The following EDN3 variants were observed in gnomAD, a reference collection of about 807,000 sequenced individuals.
EDN3 encodes endothelin 3, also known as endothelin-3.
EDN3 carries 9 observed loss-of-function variants against 21.4 expected under a neutral mutation model. The observed-to-expected ratio is 0.42, with a 90% confidence interval of 0.25 to 0.73. The LOEUF (loss-of-function observed/expected upper bound fraction) is 0.73, where lower values mean the gene tolerates loss of function less well. Ranked by LOEUF, EDN3 falls within the 30% of genes least tolerant of loss-of-function variation. The probability of loss-of-function intolerance (pLI) is 0.26; values close to 1 mark genes in which losing one functional copy is unlikely to be tolerated. For synonymous variants in EDN3, 133 were observed against 126.2 expected, an observed-to-expected ratio of 1.05 and a Z score of -0.36; for missense variants, 327 against 309.4, an observed-to-expected ratio of 1.06 and a Z score of -0.43.
At position 59,321,170 on chromosome 20, in the gene EDN3, CACCCAAACTCTGGACGTCAGCAGGTATG is replaced by C; in HGVS notation, c.522_542+7del. The stretch of plus-strand genomic sequence containing the variant: ...ATGACAAGGCCTGCCTGCACTTTTG[CACCCAAACTCTGGACGTCAGCAGGTATG>C]ACACCTCCTCCAGTTTCACTCATTT... On this transcript the variant is annotated splice_donor_variant and splice_donor_5th_base_variant and coding_sequence_variant and intron_variant, in exon 3 of 5. Transcript: ENST00000337938. LOFTEE classifies it high-confidence loss of function. The C allele has an allele frequency of 6.2e-7, 1 of 1,614,248 alleles. No individual in the cohort carries two copies. The highest frequency in any genetic ancestry group is 8.5e-7 in the Non-Finnish European group (1 of 1,180,044).
chr20:59,306,242 AG>A (rs1989401215), intron 2 of EDN3, among the ~76,000 whole-genome samples: 1 of 152,230 alleles, frequency 6.6e-6, no homozygotes, highest in Admixed American at 6.5e-5. Flanking sequence ...TGAAAAGAAC[AG>A]GGCAGGATGT....
chr20:59,324,509 A>G lies in EDN3; in HGVS notation c.*50A>G. The G allele has an allele frequency of 1.2e-6, 2 of 1,612,960 alleles. No individual in the cohort carries two copies. The highest frequency in any genetic ancestry group is 2.2e-5 in the South Asian group (2 of 91,060). On this transcript the variant is annotated 3_prime_UTR_variant, in exon 5 of 5. Coordinates refer to ENST00000337938, the MANE Select transcript of EDN3 (RefSeq NM_207034.3). ...TCTCGGGAGGCTTCTGTCATTGCTC[A>G]CACACAGTTCAGATTTCCACCTCTT... is the stretch of plus-strand genomic sequence containing the variant.
chr20:59,314,060 A>C (rs1295534374), intron 2 of EDN3, among the ~76,000 whole-genome samples: 1 of 152,144 alleles, frequency 6.6e-6, no homozygotes, highest in East Asian at 1.9e-4. Flanking sequence ...AAGGGATGGC[A>C]TGCCTGCCTC....
rs150731720 is a variant in EDN3, at chr20:59,301,611, C to T, written c.254C>T (p.Ala85Val). ...GGAAGCCCTGGGCAGGAGCAGGCGG[C>T]CGAGGGGGCCCCTGAGCACCACCGA... ...SPGSPGQEQA[A>V]EGAPEHHRSR... The change falls in exon 2 of 5, where the codon GCC (alanine) becomes GTC (valine). Residue 85 changes from alanine to valine, a missense_variant. Coordinates refer to ENST00000337938, the MANE Select transcript of EDN3 (RefSeq NM_207034.3). 6.2e-7 allele frequency: 1 copy of T among 1,614,054 alleles called. No homozygotes were observed. The highest frequency in any genetic ancestry group is 1.1e-5 in the South Asian group (1 of 91,072).
At position 59,322,460 on chromosome 20, in the gene EDN3, T is replaced by C; in HGVS notation, c.588+43T>C. 6.2e-7 allele frequency: 1 copy of C among 1,611,072 alleles called. No individual in the cohort carries two copies. The highest frequency in any genetic ancestry group is 8.5e-7 in the Non-Finnish European group (1 of 1,177,192). On this transcript the variant is annotated intron_variant, in intron 4 of 4. Coordinates refer to ENST00000337938, the MANE Select transcript of EDN3 (RefSeq NM_207034.3). This position sits in a 1 kb window ranked among gnomAD's most constrained non-coding sequence, Gnocchi z 4.1. ...AGGCCTGTGTCAAAGGAGGTGAAGA[T>C]GTGACGTGTCATTCCTTCGGGGGTG...
chr20:59,313,885 TG>T (rs1417591644), intron 2 of EDN3, among the ~76,000 whole-genome samples: 7 of 152,226 alleles, frequency 4.6e-5, no homozygotes, highest in African/African-American at 1.7e-4. Flanking sequence ...TTTTCTTTCC[TG>T]GAAGTTGGAA....
rs1199967781 is a variant in EDN3 at position 59,316,785 on chromosome 20, C to T, written c.366-4232C>T. Among the ~76,000 whole-genome samples the T allele has an allele frequency of 2.6e-5, 4 of 152,248 alleles. No individual in the cohort carries two copies. In the East Asian group the frequency reaches 7.7e-4, roughly 29 times the overall value. On this transcript the variant is annotated intron_variant, in intron 2 of 4. Transcript: ENST00000337938. ...AAAAAAGACTCTGTTGTCACCACAC[C>T]AATCAAATAATGAATGTTCTGAATA...
In EDN3 at chr20:59,301,464, C is replaced by T. The variant is rs757704427; in HGVS notation, c.107C>T (p.Ala36Val). Residue 36 changes from alanine to valine, a missense_variant, in exon 2 of 5, where the codon GCC (alanine) becomes GTC (valine). Transcript: ENST00000337938. ...GCTGGCAGGCGCGGCGTGTCCCAGG[C>T]CCCCACTGCAGCCAGATCTGAGGGG... The part of the protein sequence containing the change: ...GDAGRRGVSQ[A>V]PTAARSEGDC... The T allele has an allele frequency of 3.7e-6, 6 of 1,613,326 alleles. No individual in the cohort carries two copies. Among genetic ancestry groups the T allele is most frequent in the African/African-American group, 1.3e-5 (1 of 74,962 alleles).
chr20:59,309,607 T>C (rs562780292), intron 2 of EDN3, among the ~76,000 whole-genome samples: 104 of 151,950 alleles, frequency 6.8e-4, no homozygotes, highest in Non-Finnish European at 1.1e-3. Flanking sequence ...TTTCAGGAGG[T>C]TTTTCCCCTC....
intron 2 of EDN3, among the ~76,000 whole-genome samples, 192 bp from the exon 3 acceptor site, chr20:59,320,825 G>C (rs1007182946): frequency 6.6e-6 from 1 of 152,194 alleles, no homozygotes; most frequent in African/African-American, 2.4e-5. Flanking sequence ...CTCTTCCTGG[G>C]GGTTGTGGAG....
intron 2 of EDN3, among the ~76,000 whole-genome samples, chr20:59,309,151 C>T (rs1000083831): frequency 3.3e-5 from 5 of 152,184 alleles, no homozygotes; most frequent in Non-Finnish European, 7.3e-5. Context: ...AGTAATGGGG[C>T]ATGGCGCTCT....
rs1449152623 is a variant in EDN3, at chr20:59,315,587, G to A, written c.366-5430G>A. Among the ~76,000 whole-genome samples the A allele has an allele frequency of 2.0e-5, 3 of 152,184 alleles. No individual in the cohort carries two copies. The East Asian group carries it at 5.8e-4, about 29-fold the overall frequency. On this transcript the variant is annotated intron_variant, in intron 2 of 4. Transcript: ENST00000337938. The stretch of plus-strand genomic sequence containing the variant: ...GAAACAACGCCTCTATCTGTAAAGA[G>A]GAAAATAGTATCAGGTACTCATTTT...
In EDN3 at chr20:59,306,596, A is replaced by G. The variant is rs6070766; in HGVS notation, c.365+4874A>G. On this transcript the variant is annotated intron_variant, in intron 2 of 4. Coordinates refer to ENST00000337938, the MANE Select transcript of EDN3 (RefSeq NM_207034.3). Reference sequence around the variant, plus strand: ...TTTCTCCCCTAAATGCATAAAGAGTAAAAAAAAAAAAAAAAAAAAAAAAGC... The same window carrying G: ...TTTCTCCCCTAAATGCATAAAGAGTGAAAAAAAAAAAAAAAAAAAAAAAGC... Among the ~76,000 whole-genome samples the G allele has an allele frequency of 8.0e-3, 576 of 72,234 alleles. 2 individuals carry two copies. Among genetic ancestry groups the G allele is most frequent in the African/African-American group, 0.025 (530 of 21,120 alleles). The allele number at this position is 72,234 out of a possible 152,430, so 47.4% of individuals were successfully genotyped here.
rs1355491124 is a variant in EDN3, at chr20:59,321,287, G to A, written c.542+94G>A. 8 of 1,413,886 alleles carry A rather than the reference G, an allele frequency of 5.7e-6. No individual in the cohort carries two copies. The African/African-American group carries it at 9.9e-5, about 17-fold the overall frequency. 87.6% of individuals were successfully genotyped at this position (1,413,886 alleles called of 1,614,324 possible). ...GCTTCTCAAAGGAGGGTGTAGGATAGTTCAGTCACATCCTGACCTACTGTC... is the reference window on the plus strand; with the variant it reads ...GCTTCTCAAAGGAGGGTGTAGGATAATTCAGTCACATCCTGACCTACTGTC... On this transcript the variant is annotated intron_variant, in intron 3 of 4. Transcript: ENST00000337938.
intron 2 of EDN3, among the ~76,000 whole-genome samples, chr20:59,308,401 T>C (rs1989572801): frequency 6.6e-6 from 1 of 152,206 alleles, no homozygotes; most frequent in Admixed American, 6.5e-5. Context: ...CTTCACACTT[T>C]GGTTTAGAGA....
chr20:59,302,615 C>G (rs1014325189), intron 2 of EDN3, among the ~76,000 whole-genome samples: 2 of 152,110 alleles, frequency 1.3e-5, no homozygotes, highest in African/African-American at 4.8e-5. Flanking sequence ...CATTGGCTTC[C>G]CCATCTCTAA....
Position 59,305,800 on chromosome 20 carries a change from G to A in EDN3, c.365+4078G>A. Among the ~76,000 whole-genome samples the A allele has an allele frequency of 6.6e-6, 1 of 152,154 alleles. No homozygotes were observed. The highest frequency in any genetic ancestry group is 6.5e-5 in the Admixed American group (1 of 15,278). On this transcript the variant is annotated intron_variant, in intron 2 of 4. Transcript: ENST00000337938. This position sits in a 1 kb window ranked among gnomAD's most constrained non-coding sequence, Gnocchi z 4.2. ...TGAAGGCCCTCAACAGATTGGATGA[G>A]GCCCACTACATTTTGGAGGGTCAGC...
At position 59,305,576 on chromosome 20, in the gene EDN3, CAGA is replaced by C. The variant is rs1176813904; in HGVS notation, c.365+3857_365+3859del. On this transcript the variant is annotated intron_variant, in intron 2 of 4. Transcript: ENST00000337938. The surrounding 1 kb of genome is among the most constrained non-coding windows in gnomAD (Gnocchi z 4.2). The stretch of plus-strand genomic sequence containing the variant: ...GCCATGGACTTTTATGGAGGATAAA[CAGA>C]AGTTATGGGCAATGTCCCTCCAGAG... 6.6e-6 allele frequency among the ~76,000 whole-genome samples: 1 copy of C among 152,178 alleles called. No homozygotes were observed. Among genetic ancestry groups the C allele is most frequent in the African/African-American group, 2.4e-5 (1 of 41,440 alleles).
chr20:59,311,478 C>T (rs937739078), intron 2 of EDN3, among the ~76,000 whole-genome samples: 3 of 152,070 alleles, frequency 2.0e-5, no homozygotes, highest in East Asian at 3.9e-4. Context: ...AACTGAGGTT[C>T]CCCCTTCCTA....
Sources: gnomAD v4.1 joint callset for allele counts (sites outside exome capture counted in the v4.1 genomes callset) on GRCh38, gnomAD v4.1.1 for gene constraint, Gnocchi (gnomAD v3.1) non-coding constraint, MANE v1.5 for transcripts, NCBI Gene and HGNC (gene_info 2026-07-23, HGNC 2026-07-21) for gene names.